The following PCDHGA7 variants were observed in gnomAD, a reference collection of about 807,000 sequenced individuals.
PCDHGA7 encodes the protein protocadherin gamma subfamily A, 7.
Under a neutral mutation model 58.3 loss-of-function variants are expected in PCDHGA7, and 44 were observed. The observed-to-expected ratio is 0.75, with a 90% CI of 0.59 to 0.97. The LOEUF (loss-of-function observed/expected upper bound fraction) is 0.97, where lower values mean the gene tolerates loss of function less well. PCDHGA7 is among the 50% of genes least tolerant of loss of function. The pLI is 0.00. For synonymous variants in PCDHGA7, 516 were observed against 504.2 expected (o/e 1.02, Z -0.31); for missense variants, 1,266 against 1,188.7 (o/e 1.06, Z -0.96).
At chr5:141,421,846 G>A (rs1187020807) in intron 1 of PCDHGA7, 2 of 1,613,642 alleles carry the variant, frequency 1.2e-6, no homozygotes, top group East Asian at 4.5e-5. Context: ...AGAGAAAGAG[G>A]CTGCTCACCT....
chr5:141,476,744 C>A lies in PCDHGA7; in HGVS notation c.2425-18063C>A, dbSNP rs1168392300. ...CCTGGACCGAGAACGGGAGCCTAGT[C>A]TCCAGTTAGTGCTGACGGCGTTGGA... On this transcript the variant is annotated intron_variant, in intron 1 of 3. Coordinates refer to ENST00000518325, the MANE Select transcript of PCDHGA7 (RefSeq NM_018920.4). The surrounding 1 kb of genome is among the most constrained non-coding windows in gnomAD (Gnocchi z 7.6). 1.2e-6 allele frequency: 2 copies of A among 1,614,046 alleles called. No individual in the cohort carries two copies. Among genetic ancestry groups the A allele is most frequent in the Admixed American group, 3.3e-5 (2 of 60,034 alleles).
At chr5:141,413,639 G>T (rs893578830) in intron 1 of PCDHGA7, 1 of 1,613,736 alleles carries the variant, frequency 6.2e-7, no homozygotes, top group African/African-American at 1.3e-5. Flanking sequence ...GCGGGAATGC[G>T]TTTTCCTCTC....
In PCDHGA7 at chr5:141,477,524, A is replaced by G. The variant is rs1302186932; in HGVS notation, c.2425-17283A>G. The stretch of plus-strand genomic sequence containing the variant: ...CTACGACGTTTACATTGAAGAAAAC[A>G]ACCTCCCCGGGGCTCCAATACTAAA... On this transcript the variant is annotated intron_variant, in intron 1 of 3. Coordinates refer to ENST00000518325, the MANE Select transcript of PCDHGA7 (RefSeq NM_018920.4). The surrounding 1 kb of genome is among the most constrained non-coding windows in gnomAD (Gnocchi z 4.9). The G allele has an allele frequency of 1.2e-6, 2 of 1,614,122 alleles. No individual in the cohort carries two copies. Among genetic ancestry groups the G allele is most frequent in the Non-Finnish European group, 1.7e-6 (2 of 1,180,022 alleles).
intron 1 of PCDHGA7, chr5:141,478,491 G>A: frequency 6.2e-7 from 1 of 1,613,152 alleles, no homozygotes; most frequent in Non-Finnish European, 8.5e-7. Flanking sequence ...CTGCGGAGCT[G>A]TGATCCGGTG....
intron 1 of PCDHGA7, chr5:141,389,604 G>C: frequency 6.2e-7 from 1 of 1,613,156 alleles, no homozygotes; most frequent in Non-Finnish European, 8.5e-7. Flanking sequence ...TGCGCTCTTC[G>C]ATATGGTGCC....
In PCDHGA7 at chr5:141,384,886, G is replaced by T; in HGVS notation, c.1987G>T (p.Ala663Ser). The change falls in exon 1 of 4, where the codon GCT (alanine) becomes TCT (serine). Residue 663 changes from alanine to serine, a missense_variant. By Grantham distance (99) the Ala-to-Ser change is moderately conservative. Transcript: ENST00000518325. ...PLSATVTLTV[A>S]VADSIPEVLA... is the part of the protein sequence containing the mutation. ...GTCAGCCACCGTCACACTCACCGTG[G>T]CTGTGGCTGACAGCATCCCCGAAGT... is the stretch of plus-strand genomic sequence containing the variant. 1 of 1,613,822 alleles carries T rather than the reference G, an allele frequency of 6.2e-7. No individual in the cohort carries two copies.
At chr5:141,422,639 C>G (rs777330051) in intron 1 of PCDHGA7, 1 of 1,612,662 alleles carries the variant, frequency 6.2e-7, no homozygotes. Flanking sequence ...AGGGGTGCCT[C>G]CATCTTCTCA....
At position 141,511,241 on chromosome 5, in the gene PCDHGA7, C is replaced by T; in HGVS notation, c.*68C>T. On this transcript the variant is annotated 3_prime_UTR_variant, in exon 4 of 4. Transcript: ENST00000518325. ...CCAGCCCAGCTTCTCCTTACCTGCA[C>T]CCAGGCCTCAGAGTTTCAGGGCTAA... The T allele has an allele frequency of 2.5e-6, 4 of 1,585,214 alleles. No individual in the cohort carries two copies. Among genetic ancestry groups the T allele is most frequent in the Non-Finnish European group, 3.4e-6 (4 of 1,165,762 alleles).
At chr5:141,471,495 T>A (rs539663010) in intron 1 of PCDHGA7, 1 of 152,318 alleles carries the variant, frequency 6.6e-6, no homozygotes, top group East Asian at 1.9e-4. Flanking sequence ...ATTTAGGGAA[T>A]GCAAGAGAGG....
At chr5:141,413,244 C>T in intron 1 of PCDHGA7, 3 of 1,613,984 alleles carry the variant, frequency 1.9e-6, no homozygotes, top group Non-Finnish European at 2.5e-6. Flanking sequence ...TCTGCCTTTT[C>T]TTCGGGATTC....
chr5:141,504,158 T>G (rs890874880), intron 2 of PCDHGA7, among the ~76,000 whole-genome samples: 1 of 152,222 alleles, frequency 6.6e-6, no homozygotes, highest in Non-Finnish European at 1.5e-5. Context: ...TGAAATAATT[T>G]CATCCTTGGA....
chr5:141,457,708 T>C (rs1160977721), intron 1 of PCDHGA7, among the ~76,000 whole-genome samples: 1 of 152,260 alleles, frequency 6.6e-6, no homozygotes, highest in Admixed American at 6.5e-5. Context: ...GATGAAACAC[T>C]GTTCCACAAG....
chr5:141,448,851 A>T (rs1374003271), intron 1 of PCDHGA7, among the ~76,000 whole-genome samples: 1 of 152,124 alleles, frequency 6.6e-6, no homozygotes, highest in Admixed American at 6.5e-5. Context: ...AGGCTGAGGC[A>T]GGAGAATGGC....
intron 2 of PCDHGA7, among the ~76,000 whole-genome samples, chr5:141,501,294 C>CAT (rs200497585): frequency 0.16 from 9,924 of 62,810 alleles, 350 homozygotes; most frequent in Non-Finnish European, 0.25. Flanking sequence ...CCCTTATACA[C>CAT]ACACACACAC....
chr5:141,388,848 G>T (rs766706887), intron 1 of PCDHGA7: 1 of 1,613,942 alleles, frequency 6.2e-7, no homozygotes, highest in East Asian at 2.2e-5. Context: ...AGCAAGGGAC[G>T]GTGGAGGAAT....
Position 141,409,958 on chromosome 5 carries a change from T to C in PCDHGA7, c.2424+24635T>C. ...GGTACCTCGCTCTGCAGAGCCCGGC[T>C]ACCTAGTGACTAAGGTGGTAGCGGT... On this transcript the variant is annotated intron_variant, in intron 1 of 3. Transcript: ENST00000518325. 6.2e-7 allele frequency: 1 copy of C among 1,613,394 alleles called. No individual in the cohort carries two copies.
intron 1 of PCDHGA7, among the ~76,000 whole-genome samples, chr5:141,443,323 A>AG (rs1262238603): frequency 1.3e-5 from 2 of 151,732 alleles, no homozygotes; most frequent in African/African-American, 4.9e-5. Context: ...TCTACAAAAA[A>AG]AAAAAACAAA....
At chr5:141,455,159 G>GT (rs1390145608) in intron 1 of PCDHGA7, among the ~76,000 whole-genome samples, 2,419 of 144,948 alleles carry the variant, frequency 0.017, 50 homozygotes, top group African/African-American at 0.056. Context: ...TTAGTTTGTT[G>GT]GTTTTTTTTT....
At position 141,413,315 on chromosome 5, in the gene PCDHGA7, C is replaced by G. The variant is rs747758921; in HGVS notation, c.2424+27992C>G. The stretch of plus-strand genomic sequence containing the variant: ...ATTCCTGAGGAATTAGAGAAAGGCT[C>G]TTTCGTGGGCAACATCTCCAAGGAC... On this transcript the variant is annotated intron_variant, in intron 1 of 3. Transcript: ENST00000518325. 6 of 1,613,976 alleles carry G rather than the reference C, an allele frequency of 3.7e-6. No individual in the cohort carries two copies. The South Asian group carries it at 5.5e-5, about 15-fold the overall frequency.
Sources: allele counts gnomAD v4.1 joint callset (sites outside exome capture counted in the v4.1 genomes callset), GRCh38; gene constraint gnomAD v4.1.1; non-coding constraint Gnocchi (gnomAD v3.1); transcripts MANE v1.5; gene names NCBI Gene and HGNC (gene_info 2026-07-23, HGNC 2026-07-21).